The following VWC2 variants were observed in gnomAD, a reference collection of about 807,000 sequenced individuals.
VWC2 encodes the protein von Willebrand factor C domain containing 2.
A neutral mutation model predicts 29.8 loss-of-function variants in VWC2; 14 were observed. The observed-to-expected ratio is 0.47, with a 90% CI of 0.31 to 0.74. VWC2 has a LOEUF of 0.74. Among genes scored for constraint, VWC2 ranks in the 30% least tolerant of loss-of-function variants. The pLI is 0.05. For missense variants in VWC2, 457 were observed against 459.8 expected, an observed-to-expected ratio of 0.99 and a Z score of 0.05; for synonymous variants, 213 against 199.0, an observed-to-expected ratio of 1.07 and a Z score of -0.59.
chr7:49,829,427 TC>T (rs200736463), intron 3 of VWC2, among the ~76,000 whole-genome samples: 2,207 of 152,300 alleles, frequency 0.014, 34 homozygotes, highest in African/African-American at 0.036. Flanking sequence ...CTCTCTCTCC[TC>T]TGTGTCCCAT....
At chr7:49,816,258 G>C (rs1260383305) in intron 3 of VWC2, among the ~76,000 whole-genome samples, 3 of 152,314 alleles carry the variant, frequency 2.0e-5, no homozygotes, top group Admixed American at 1.3e-4. Flanking sequence ...CCAAAGAAGG[G>C]ATTATAGGAT....
Position 49,776,035 on chromosome 7 carries a change from C to T in VWC2, c.600C>T (p.Ile200=). 1 of 1,547,444 alleles carries T rather than the reference C, an allele frequency of 6.5e-7. No individual in the cohort carries two copies. Among genetic ancestry groups the T allele is most frequent in the Non-Finnish European group, 8.7e-7 (1 of 1,152,092 alleles). The change falls in exon 2 of 4, where the codon ATC becomes ATT. Residue 200 remains isoleucine, a synonymous_variant. Coordinates refer to ENST00000340652, the MANE Select transcript of VWC2 (RefSeq NM_198570.5). ...GCCCGAGGCTGCACCCGCGCTGCATCCACGTCGACACGAGCCAGTGCTGCC... is the reference window on the plus strand; with the variant it reads ...GCCCGAGGCTGCACCCGCGCTGCATTCACGTCGACACGAGCCAGTGCTGCC... ...PECPRLHPRC[I]HVDTSQCCPQ... is the part of the protein sequence containing the mutation.
chr7:49,889,104 T>C (rs993292177), intron 3 of VWC2, among the ~76,000 whole-genome samples: 1 of 152,200 alleles, frequency 6.6e-6, no homozygotes, highest in Non-Finnish European at 1.5e-5. Context: ...GGAATGCTCA[T>C]CTTTTGTTTC....
chr7:49,816,844 C>G (rs1408510602), intron 3 of VWC2, among the ~76,000 whole-genome samples: 1 of 152,082 alleles, frequency 6.6e-6, no homozygotes, highest in Non-Finnish European at 1.5e-5. Flanking sequence ...ATTTGCTTCC[C>G]CTCTTCAGTT....
chr7:49,811,867 C>G (rs957569112), intron 3 of VWC2, among the ~76,000 whole-genome samples: 1 of 152,128 alleles, frequency 6.6e-6, no homozygotes, highest in Non-Finnish European at 1.5e-5. Flanking sequence ...GCAAATGTTC[C>G]TAGCAGATTA....
chr7:49,878,591 T>A (rs1791543052), intron 3 of VWC2, among the ~76,000 whole-genome samples: 1 of 152,210 alleles, frequency 6.6e-6, no homozygotes, highest in Non-Finnish European at 1.5e-5. Context: ...TTTGTTTTTG[T>A]TCCAGCAGTT....
intron 3 of VWC2, among the ~76,000 whole-genome samples, chr7:49,875,035 G>C (rs1052988996): frequency 4.6e-5 from 7 of 151,802 alleles, no homozygotes; most frequent in Admixed American, 4.6e-4. Flanking sequence ...AACAGTTTAT[G>C]AACTTGTTTC....
chr7:49,839,292 C>T (rs117561920), intron 3 of VWC2, among the ~76,000 whole-genome samples: 1 of 152,298 alleles, frequency 6.6e-6, no homozygotes, highest in Non-Finnish European at 1.5e-5. Flanking sequence ...TTAAATTTGG[C>T]CTGTGTGTCC....
Position 49,775,722 on chromosome 7 carries a change from C to T in VWC2, c.287C>T (p.Ala96Val), listed in dbSNP as rs1391433711. The T allele has an allele frequency of 6.6e-7, 1 of 1,517,958 alleles. No individual in the cohort carries two copies. Among genetic ancestry groups the T allele is most frequent in the Non-Finnish European group, 8.8e-7 (1 of 1,135,950 alleles). 94.0% of individuals were successfully genotyped at this position (1,517,958 alleles called of 1,614,324 possible). The change falls in exon 2 of 4, where the codon GCC (alanine) becomes GTC (valine). Residue 96 changes from alanine to valine, a missense_variant. By Grantham distance (64) the Ala-to-Val change is moderately conservative. Coordinates refer to ENST00000340652, the MANE Select transcript of VWC2 (RefSeq NM_198570.5). ...GAGCCGTGGAGCAAGCTGAAGCAGG[C>T]CTGGGTCTCCCAGGGCGGGGGCGCC... ...GREPWSKLKQ[A>V]WVSQGGGAKA...
At chr7:49,803,383 C>T (rs1032442406) in intron 3 of VWC2, among the ~76,000 whole-genome samples, 1 of 152,176 alleles carries the variant, frequency 6.6e-6, no homozygotes, top group African/African-American at 2.4e-5. Flanking sequence ...CTCATCCTGA[C>T]AAACGATGAT....
chr7:49,911,279 C>T (rs1176726182), intron 3 of VWC2, among the ~76,000 whole-genome samples: 5 of 151,932 alleles, frequency 3.3e-5, no homozygotes, highest in Admixed American at 2.6e-4. Flanking sequence ...GTCAAGAGAT[C>T]GAGACCATCC....
chr7:49,908,313 TTTGGAA>T (rs1211070380), intron 3 of VWC2, among the ~76,000 whole-genome samples: 5 of 152,192 alleles, frequency 3.3e-5, no homozygotes, highest in Non-Finnish European at 7.3e-5. Context: ...TCAGGTTAAC[TTTGGAA>T]TGCCCTTGTC....
Position 49,788,911 on chromosome 7 carries a change from AGT to A in VWC2, c.696+12788_696+12789del, listed in dbSNP as rs964345121. On this transcript the variant is annotated intron_variant, in intron 2 of 3. Transcript: ENST00000340652. ...TGTGTGGAGTGAGTGTGGGTGTGAGAGTGTGTGTGGCCTGCATGTGTGAGAAT... is the reference window on the plus strand; with the variant it reads ...TGTGTGGAGTGAGTGTGGGTGTGAGAGTGTGTGGCCTGCATGTGTGAGAAT... Among the ~76,000 whole-genome samples, 15 of 125,914 alleles carry A rather than the reference AGT, an allele frequency of 1.2e-4. No homozygotes were observed. The East Asian group carries it at 2.5e-3, about 21-fold the overall frequency. 82.6% of individuals were successfully genotyped at this position (125,914 alleles called of 152,430 possible).
At chr7:49,872,795 A>T (rs1791221170) in intron 3 of VWC2, among the ~76,000 whole-genome samples, 1 of 150,568 alleles carries the variant, frequency 6.6e-6, no homozygotes, top group Admixed American at 6.6e-5. Context: ...ACACACCTGT[A>T]ATCCCAGCAA....
At chr7:49,904,736 A>AT (rs5884134) in intron 3 of VWC2, among the ~76,000 whole-genome samples, 95,182 of 139,022 alleles carry the variant, frequency 0.68, 32,840 homozygotes, top group Admixed American at 0.75. Flanking sequence ...GCATATATTA[A>AT]TTTTTTTTTT....
At chr7:49,839,433 C>T (rs766801743) in intron 3 of VWC2, among the ~76,000 whole-genome samples, 3 of 152,182 alleles carry the variant, frequency 2.0e-5, no homozygotes, top group Admixed American at 6.5e-5. Flanking sequence ...ACCAAAGCTT[C>T]ACTTGTTAAG....
chr7:49,786,312 T>C (rs1788296082), intron 2 of VWC2, among the ~76,000 whole-genome samples: 1 of 152,230 alleles, frequency 6.6e-6, no homozygotes, highest in Admixed American at 6.5e-5. Flanking sequence ...AAGGACATCA[T>C]TCCATTCTTT....
chr7:49,789,246 GGTGTGGGAGTGGGT>G (rs1340860657), intron 2 of VWC2, among the ~76,000 whole-genome samples: 4 of 145,654 alleles, frequency 2.7e-5, no homozygotes, highest in Non-Finnish European at 4.5e-5. Flanking sequence ...AAAGAGTGTA[GGTGTGGGAGTGGGT>G]GTGTGTGAGC....
chr7:49,810,745 A>T (rs958915674), intron 3 of VWC2, among the ~76,000 whole-genome samples: 7 of 152,192 alleles, frequency 4.6e-5, no homozygotes, highest in Non-Finnish European at 1.0e-4. Flanking sequence ...TTTTCAACCA[A>T]TGTTGTAAGA....
Sources: allele counts gnomAD v4.1 joint callset (sites outside exome capture counted in the v4.1 genomes callset), GRCh38; gene constraint gnomAD v4.1.1; transcripts MANE v1.5; gene names NCBI Gene and HGNC (gene_info 2026-07-23, HGNC 2026-07-21).